AK6: variants seen among roughly 807,000 people sequenced by gnomAD.
AK6 encodes the protein adenylate kinase 6, also known as adenylate kinase isoenzyme 6.
In AK6, 24 loss-of-function variants were observed where a neutral mutation model predicts 23.7. The observed-to-expected ratio is 1.01, with a 90% CI of 0.73 to 1.43. The LOEUF (loss-of-function observed/expected upper bound fraction) is 1.43. Ranked by LOEUF, AK6 falls within the 40% of genes most tolerant of loss-of-function variation. The pLI is 0.00. For missense variants in AK6, 191 were observed against 199.1 expected (o/e 0.96, Z 0.24); for synonymous variants, 73 against 69.8 (o/e 1.05, Z -0.23).
upstream of AK6, chr5:69,369,549 G>A (rs532216259): frequency 2.7e-4 from 427 of 1,609,974 alleles, no homozygotes; most frequent in Middle Eastern, 1.8e-3. Flanking sequence ...CTACAGGGAG[G>A]AGCCGGAAGG....
chr5:69,353,551 C>A (rs559371488), intron 4 of AK6, among the ~76,000 whole-genome samples: 1 of 152,198 alleles, frequency 6.6e-6, no homozygotes, highest in Admixed American at 6.5e-5. Context: ...CCACCTTGGC[C>A]TCCCAAAGTG....
chr5:69,363,723 G>C (rs1424612726), intron 2 of AK6, among the ~76,000 whole-genome samples: 1 of 152,020 alleles, frequency 6.6e-6, no homozygotes. Context: ...GGCAGAGCTT[G>C]CAGTGAGCCG....
chr5:69,352,655 A>G (rs1159957123), intron 4 of AK6, among the ~76,000 whole-genome samples: 1 of 152,258 alleles, frequency 6.6e-6, no homozygotes, highest in East Asian at 1.9e-4. Flanking sequence ...AAAGATGTTC[A>G]GCATCTCTAG....
At chr5:69,355,978 T>C in intron 2 of AK6, 25 bp from the exon 3 acceptor site, 1 of 1,569,448 alleles carries the variant, frequency 6.4e-7, no homozygotes, top group Non-Finnish European at 8.6e-7. Context: ...GAATTGCTTG[T>C]TGAAATATTT....
chr5:69,352,621 C>T (rs1000750325), intron 4 of AK6, among the ~76,000 whole-genome samples: 1 of 152,162 alleles, frequency 6.6e-6, no homozygotes, highest in Non-Finnish European at 1.5e-5. Flanking sequence ...AAGGAAGATA[C>T]ACAACTGTCT....
chr5:69,354,434 G>A (rs1762029392), intron 4 of AK6, among the ~76,000 whole-genome samples: 1 of 152,210 alleles, frequency 6.6e-6, no homozygotes, highest in Non-Finnish European at 1.5e-5. Flanking sequence ...GTTAGTCAGA[G>A]TTGACTATAA....
At chr5:69,367,150 G>T (rs1339791587) in intron 1 of AK6, among the ~76,000 whole-genome samples, 1 of 152,122 alleles carries the variant, frequency 6.6e-6, no homozygotes, top group Non-Finnish European at 1.5e-5. Flanking sequence ...TTCTCCAGGG[G>T]TGGGGCTCAG....
rs781653238 is a variant in AK6 at position 69,351,418 on chromosome 5, G to T, written c.*643C>A. ...AGAACAGGGAGGTCTGTACTGAGAT[G>T]ATATAATCTTCAAATATAGTAAGTG... On this transcript the variant is annotated 3_prime_UTR_variant, in exon 5 of 5. Coordinates refer to ENST00000380822, the MANE Select transcript of AK6 (RefSeq NM_016283.5). 6.6e-6 allele frequency: 1 copy of T among 152,142 alleles called. No individual in the cohort carries two copies. The highest frequency in any genetic ancestry group is 1.9e-4 in the East Asian group (1 of 5,204). 9.4% of individuals were successfully genotyped at this position (152,142 alleles called of 1,614,324 possible). A position where few individuals can be genotyped will look rare whatever the true frequency, so the allele number is the denominator to read the frequency against.
At chr5:69,365,665 C>T in intron 2 of AK6, 6 of 1,609,720 alleles carry the variant, frequency 3.7e-6, no homozygotes, top group Non-Finnish European at 5.1e-6. Flanking sequence ...ATCCCCATAT[C>T]CTTCAGGATT....
intron 2 of AK6, 33 bp downstream of exon 2, chr5:69,366,470 A>C (rs1762430142): frequency 1.3e-6 from 2 of 1,580,122 alleles, no homozygotes; most frequent in Non-Finnish European, 1.7e-6. Context: ...TAAAAAAAAA[A>C]CAAAACAAAT....
intron 2 of AK6, among the ~76,000 whole-genome samples, chr5:69,362,244 G>C (rs965129291): frequency 1.4e-4 from 21 of 151,898 alleles, no homozygotes; most frequent in Admixed American, 6.6e-5. Context: ...GTGAACTACA[G>C]GATCTTTAGT....
chr5:69,369,609 C>T, upstream of AK6: 1 of 1,582,212 alleles, frequency 6.3e-7, no homozygotes, highest in Non-Finnish European at 8.6e-7. Flanking sequence ...AAGCCCACCG[C>T]GGCGCCCCTA....
At position 69,366,492 on chromosome 5, in the gene AK6, G is replaced by T; in HGVS notation, c.121+11C>A. 1.2e-6 allele frequency: 2 copies of T among 1,602,340 alleles called. No individual in the cohort carries two copies. Among genetic ancestry groups the T allele is most frequent in the Non-Finnish European group, 1.7e-6 (2 of 1,171,918 alleles). On this transcript the variant is annotated intron_variant, in intron 2 of 4. Transcript: ENST00000380822. The stretch of plus-strand genomic sequence containing the variant: ...AAAACAAAACAAATCTAACACCAAA[G>T]TGTCCCTTACCTTCTCGAGCTAAAT...
At chr5:69,357,959 G>T (rs530113853) in intron 2 of AK6, among the ~76,000 whole-genome samples, 1 of 152,092 alleles carries the variant, frequency 6.6e-6, no homozygotes, top group Non-Finnish European at 1.5e-5. Context: ...AAAATACTAT[G>T]TAGTATAGAC....
At position 69,357,452 on chromosome 5, in the gene AK6, A is replaced by G. The variant is rs560826416; in HGVS notation, c.122-1499T>C. 6.6e-5 allele frequency among the ~76,000 whole-genome samples: 10 copies of G among 152,364 alleles called. No homozygotes were observed. In the South Asian group the frequency reaches 2.1e-3, roughly 32 times the overall value. ...GATTCATTTGAGTTTGTTGAGTAGC[A>G]GAAGAAATAAAAAGACTGATCCAGT... On this transcript the variant is annotated intron_variant, in intron 2 of 4. Coordinates refer to ENST00000380822, the MANE Select transcript of AK6 (RefSeq NM_016283.5).
chr5:69,356,222 G>A (rs1012617680), intron 2 of AK6, among the ~76,000 whole-genome samples: 29 of 152,248 alleles, frequency 1.9e-4, no homozygotes, highest in African/African-American at 7.0e-4. Context: ...TAAAAAGAGT[G>A]AATAACCAAC....
intron 2 of AK6, among the ~76,000 whole-genome samples, chr5:69,356,392 G>A (rs977539032): frequency 1.3e-5 from 1 of 77,878 alleles, no homozygotes; most frequent in African/African-American, 3.5e-5. Flanking sequence ...TGGTGGCTTT[G>A]CGCTTGTAAT....
chr5:69,357,959 G>A lies in AK6; in HGVS notation c.122-2006C>T, dbSNP rs530113853. On this transcript the variant is annotated intron_variant, in intron 2 of 4. Coordinates refer to ENST00000380822, the MANE Select transcript of AK6 (RefSeq NM_016283.5). ...AGTTAACATAGTTTAAAAATACTAT[G>A]TAGTATAGACTAGGCAGCAACATGA... Among the ~76,000 whole-genome samples the A allele has an allele frequency of 2.0e-5, 3 of 152,210 alleles. No individual in the cohort carries two copies. The South Asian group carries it at 6.2e-4, about 32-fold the overall frequency.
rs1762168786 is a variant in AK6, at chr5:69,359,379, G to A, written c.122-3426C>T. The stretch of plus-strand genomic sequence containing the variant: ...CCCGCCTCAGCCTCCCAAGTAGCTG[G>A]GATTACGGGTGCCCGCCACCATGCC... On this transcript the variant is annotated intron_variant, in intron 2 of 4. Transcript: ENST00000380822. Among the ~76,000 whole-genome samples the A allele has an allele frequency of 2.0e-5, 3 of 152,158 alleles. No individual in the cohort carries two copies. In the East Asian group the frequency reaches 5.8e-4, roughly 29 times the overall value.
Sources: gnomAD v4.1 joint callset for allele counts (sites outside exome capture counted in the v4.1 genomes callset) on GRCh38, gnomAD v4.1.1 for gene constraint, MANE v1.5 for transcripts, NCBI Gene and HGNC (gene_info 2026-07-23, HGNC 2026-07-21) for gene names.